RNF220: variants seen among roughly 807,000 people sequenced by gnomAD.
RNF220 encodes the protein E3 ubiquitin-protein ligase RNF220.
Under a neutral mutation model 67.1 loss-of-function variants are expected in RNF220, and 7 were observed. That is an observed-to-expected ratio of 0.10 (90% CI 0.06 to 0.20). The LOEUF (loss-of-function observed/expected upper bound fraction) is 0.20. Among genes scored for constraint, RNF220 ranks in the 10% least tolerant of loss-of-function variants. The probability of loss-of-function intolerance (pLI) is 1.00; values close to 1 mark genes in which losing one functional copy is unlikely to be tolerated. For synonymous variants in RNF220, 270 were observed against 283.2 expected (o/e 0.95, Z 0.47); for missense variants, 565 against 740.3 (o/e 0.76, Z 2.75).
At chr1:44,632,516 C>T in intron 6 of RNF220, 131 bp downstream of exon 6, 4 of 891,346 alleles carry the variant, frequency 4.5e-6, no homozygotes, top group Non-Finnish European at 7.1e-6. Context: ...AGTCACGGCG[C>T]CTGAGTATGT....
rs1295543561 is a variant in RNF220, at chr1:44,412,178, C to T, written c.81C>T (p.Val27=). The T allele has an allele frequency of 1.2e-6, 2 of 1,614,140 alleles. No individual in the cohort carries two copies. Among genetic ancestry groups the T allele is most frequent in the Non-Finnish European group, 8.5e-7 (1 of 1,180,014 alleles). The change falls in exon 2 of 15, where the codon GTC becomes GTT. Residue 27 remains valine (V), a synonymous_variant. Coordinates refer to ENST00000361799, the MANE Select transcript of RNF220 (RefSeq NM_018150.4). This position sits in a 1 kb window ranked among gnomAD's most constrained non-coding sequence, Gnocchi z 5.3. ...PNPLASPALM[V]LASTAEASRD... is the part of the protein sequence containing the mutation. The stretch of plus-strand genomic sequence containing the variant: ...CTCTGGCATCCCCAGCACTGATGGT[C>T]CTGGCATCCACGGCTGAGGCCAGCC...
At chr1:44,562,916 A>G (rs1452166691) in intron 2 of RNF220, among the ~76,000 whole-genome samples, 2 of 152,092 alleles carry the variant, frequency 1.3e-5, no homozygotes, top group African/African-American at 2.4e-5. Flanking sequence ...ATGCCATCAC[A>G]AATGGACGTT....
intron 2 of RNF220, among the ~76,000 whole-genome samples, chr1:44,461,368 A>G (rs978563949): frequency 6.6e-6 from 1 of 152,154 alleles, no homozygotes; most frequent in South Asian, 2.1e-4. Context: ...ACATTTTTTC[A>G]TGTTGCAAAA....
At chr1:44,616,252 T>A (rs1317063593) in intron 3 of RNF220, among the ~76,000 whole-genome samples, 2 of 152,154 alleles carry the variant, frequency 1.3e-5, no homozygotes, top group Non-Finnish European at 2.9e-5. Context: ...TCCAGCTCAT[T>A]CTCAAGGGAG....
Position 44,645,007 on chromosome 1 carries a change from T to C in RNF220, c.1236T>C (p.Ala412=). Reference sequence around the variant, plus strand: ...ACCACCATGCCAGATACACAGAGGCTGATGTCATCCCCTGCACAGGCGAGG... The same window carrying C: ...ACCACCATGCCAGATACACAGAGGCCGATGTCATCCCCTGCACAGGCGAGG... ...LEYGKPQYTE[A]DVIPCTGEEP... is the part of the protein sequence containing the mutation. The change falls in exon 10 of 15, where the codon GCT becomes GCC. Residue 412 remains alanine, a synonymous_variant. Transcript: ENST00000361799. This position sits in a 1 kb window ranked among gnomAD's most constrained non-coding sequence, Gnocchi z 5.0. The C allele has an allele frequency of 6.2e-7, 1 of 1,614,032 alleles. No individual in the cohort carries two copies. The highest frequency in any genetic ancestry group is 8.5e-7 in the Non-Finnish European group (1 of 1,179,988).
intron 2 of RNF220, among the ~76,000 whole-genome samples, chr1:44,594,679 G>A (rs1023369965): frequency 6.6e-6 from 1 of 152,232 alleles, no homozygotes; most frequent in Non-Finnish European, 1.5e-5. Context: ...GGTTATCAGA[G>A]AGGCTAAGGG....
chr1:44,577,791 C>G (rs1664920531), intron 2 of RNF220, among the ~76,000 whole-genome samples: 1 of 152,010 alleles, frequency 6.6e-6, no homozygotes, highest in Non-Finnish European at 1.5e-5. Flanking sequence ...CATGGTGAAA[C>G]CCCATCTCTA....
intron 4 of RNF220, among the ~76,000 whole-genome samples, chr1:44,625,581 T>A (rs1041227182): frequency 1.3e-5 from 2 of 151,988 alleles, no homozygotes; most frequent in Non-Finnish European, 2.9e-5. Flanking sequence ...GGGGAGGAAG[T>A]ATGGATTGCT....
chr1:44,423,929 A>G (rs1042117132), intron 2 of RNF220: 1 of 985,338 alleles, frequency 1.0e-6, no homozygotes, highest in Admixed American at 6.1e-5. Context: ...ACACGTCGGC[A>G]TGCTAAAAAC....
At chr1:44,646,115 C>G (rs897134044) in intron 12 of RNF220, among the ~76,000 whole-genome samples, 1 of 152,208 alleles carries the variant, frequency 6.6e-6, no homozygotes, top group Non-Finnish European at 1.5e-5. Context: ...GTCTAGGCTG[C>G]CTGGTGCTGC....
At chr1:44,471,027 G>A (rs1172043379) in intron 2 of RNF220, among the ~76,000 whole-genome samples, 1 of 152,142 alleles carries the variant, frequency 6.6e-6, no homozygotes, top group East Asian at 1.9e-4. Flanking sequence ...AGGCATTCGA[G>A]GCTGCAGTGA....
chr1:44,502,181 A>C lies in RNF220; in HGVS notation c.625+89459A>C, dbSNP rs965633934. On this transcript the variant is annotated intron_variant, in intron 2 of 14. Transcript: ENST00000361799. Reference sequence around the variant, plus strand: ...CTCACACACACACACACACACACACACCATACACGCTCACACACACACATA... The same window carrying C: ...CTCACACACACACACACACACACACCCCATACACGCTCACACACACACATA... Among the ~76,000 whole-genome samples the C allele has an allele frequency of 3.7e-5, 5 of 136,690 alleles. No homozygotes were observed. In the South Asian group the frequency reaches 1.2e-3, roughly 32 times the overall value. 89.7% of individuals were successfully genotyped at this position (136,690 alleles called of 152,430 possible). A position where few individuals can be genotyped will look rare whatever the true frequency, so the allele number is the denominator to read the frequency against.
At chr1:44,501,152 T>C (rs940105719) in intron 2 of RNF220, among the ~76,000 whole-genome samples, 2 of 143,656 alleles carry the variant, frequency 1.4e-5, no homozygotes, top group East Asian at 2.2e-4. Flanking sequence ...AGGGAGAGTC[T>C]TGTGCTTGGG....
chr1:44,590,702 C>CG (rs549721079), intron 2 of RNF220, among the ~76,000 whole-genome samples: 2 of 152,194 alleles, frequency 1.3e-5, no homozygotes, highest in South Asian at 4.1e-4. Context: ...GAATAGGAAG[C>CG]GGGGGGGCCA....
intron 3 of RNF220, among the ~76,000 whole-genome samples, chr1:44,619,430 G>A (rs925959802): frequency 6.6e-6 from 1 of 152,188 alleles, no homozygotes; most frequent in Admixed American, 6.5e-5. Context: ...TGTTTGGTTG[G>A]GTAATGAACT....
At chr1:44,586,348 C>A (rs954605109) in intron 2 of RNF220, among the ~76,000 whole-genome samples, 3 of 152,102 alleles carry the variant, frequency 2.0e-5, no homozygotes, top group African/African-American at 4.8e-5. Context: ...AAGATAAATT[C>A]TCTAAGAGCA....
In RNF220 at chr1:44,636,137, C is replaced by T. The variant is rs370965252; in HGVS notation, c.1101C>T (p.Thr367=). 2.3e-4 allele frequency: 376 copies of T among 1,610,078 alleles called. 7 individuals carry two copies. In the South Asian group the frequency reaches 4.0e-3, roughly 17 times the overall value. Residue 367 remains threonine, a synonymous_variant, in exon 8 of 15, where the codon ACC becomes ACT. Transcript: ENST00000361799. ...GTGGACAGAAGCGGATACGGGCCAC[C>T]ACTCTCCTGGAAGGTGGCTTCCGAG... ...EWCGQKRIRA[T]TLLEGGFRGS...
intron 2 of RNF220, among the ~76,000 whole-genome samples, chr1:44,594,265 T>TC (rs1418298275): frequency 6.6e-6 from 1 of 151,530 alleles, no homozygotes; most frequent in East Asian, 1.9e-4. Flanking sequence ...GCGCTTTGCC[T>TC]CCCCCCCTCC....
chr1:44,564,139 T>C (rs1209565579), intron 2 of RNF220, among the ~76,000 whole-genome samples: 3 of 152,316 alleles, frequency 2.0e-5, no homozygotes, highest in Admixed American at 2.0e-4. Context: ...GAGTAGGGGA[T>C]GAATGGGGGA....
Sources: allele counts gnomAD v4.1 joint callset (sites outside exome capture counted in the v4.1 genomes callset), GRCh38; gene constraint gnomAD v4.1.1; non-coding constraint Gnocchi (gnomAD v3.1); transcripts MANE v1.5; gene names NCBI Gene and HGNC (gene_info 2026-07-23, HGNC 2026-07-21).